ADGRL2: variants seen among roughly 807,000 people sequenced by gnomAD.
ADGRL2 encodes calcium-independent alpha-latrotoxin receptor 2.
A neutral mutation model predicts 157.4 loss-of-function variants in ADGRL2; 44 were observed. That is an observed-to-expected ratio of 0.28 (90% CI 0.22 to 0.36). ADGRL2 has a LOEUF of 0.36. Ranked by LOEUF, ADGRL2 falls within the 10% of genes least tolerant of loss-of-function variation. ADGRL2 has a pLI of 1.00. For missense variants in ADGRL2, 1,510 were observed against 1,768.9 expected, an observed-to-expected ratio of 0.85 and a Z score of 2.63; for synonymous variants, 585 against 624.7, an observed-to-expected ratio of 0.94 and a Z score of 0.95.
chr1:81,634,666 G>A (rs774050981), intron 3 of ADGRL2, among the ~76,000 whole-genome samples: 26 of 152,084 alleles, frequency 1.7e-4, no homozygotes, highest in Non-Finnish European at 3.4e-4. Context: ...TGGGATTATA[G>A]GCACACGCCA....
At chr1:81,813,975 G>C (rs749505827) in intron 1 of ADGRL2, among the ~76,000 whole-genome samples, 1 of 151,622 alleles carries the variant, frequency 6.6e-6, no homozygotes, top group Non-Finnish European at 1.5e-5. Flanking sequence ...TCTTAAATTT[G>C]AAGGTAGACT....
chr1:81,809,077 A>G (rs139086404), intron 1 of ADGRL2, among the ~76,000 whole-genome samples: 14 of 152,170 alleles, frequency 9.2e-5, no homozygotes, highest in Admixed American at 2.0e-4. Flanking sequence ...CGACCTGACA[A>G]GAAAACGTAT....
At chr1:81,649,815 A>G (rs1168857082) in intron 3 of ADGRL2, among the ~76,000 whole-genome samples, 1 of 152,176 alleles carries the variant, frequency 6.6e-6, no homozygotes, top group Non-Finnish European at 1.5e-5. Flanking sequence ...CAGCCACTGC[A>G]TCTGATGGAA....
chr1:81,736,894 C>T lies in ADGRL2; in HGVS notation c.-142-24917C>T, dbSNP rs537440404. On this transcript the variant is annotated intron_variant, in intron 1 of 20. Transcript: ENST00000359929. ...CTGTTGTCCAGGCTGGAGTGCAGTGCCACAGTCTCAGCTCACTGCAACCTC... is the reference window on the plus strand; with the variant it reads ...CTGTTGTCCAGGCTGGAGTGCAGTGTCACAGTCTCAGCTCACTGCAACCTC... Among the ~76,000 whole-genome samples the T allele has an allele frequency of 3.9e-5, 6 of 152,132 alleles. No homozygotes were observed. The South Asian group carries it at 1.2e-3, about 32-fold the overall frequency.
intron 1 of ADGRL2, among the ~76,000 whole-genome samples, chr1:81,803,376 G>C (rs2088603561): frequency 6.6e-6 from 1 of 152,072 alleles, no homozygotes; most frequent in African/African-American, 2.4e-5. Context: ...GTGGGGGTGA[G>C]GGGAGAATAC....
Position 81,993,087 on chromosome 1 carries a change from A to ATATATATATATATATATATTT in ADGRL2, c.*1943_*1944insATATATATATATATATATTTT, listed in dbSNP as rs1441283966. ...TATATATATATATATATATATATAT[A>ATATATATATATATATATATTT]TTTTTTTTTTTTTTTTTTTTTTTTT... is the stretch of plus-strand genomic sequence containing the variant. On this transcript the variant is annotated 3_prime_UTR_variant, in exon 24 of 24. Transcript: ENST00000686636. Among the ~76,000 whole-genome samples, 1 of 29,198 alleles carries ATATATATATATATATATATTT rather than the reference A, an allele frequency of 3.4e-5. No individual in the cohort carries two copies. The highest frequency in any genetic ancestry group is 5.5e-5 in the Non-Finnish European group (1 of 18,338). The allele number at this position is 29,198 out of a possible 152,430, so 19.2% of individuals were successfully genotyped here.
intron 1 of ADGRL2, among the ~76,000 whole-genome samples, chr1:81,438,075 C>T (rs981117346): frequency 4.7e-5 from 7 of 149,728 alleles, no homozygotes; most frequent in East Asian, 3.9e-4. Flanking sequence ...TCCTTCTCAC[C>T]GAATATGCCC....
chr1:81,439,042 C>T (rs2077460027), intron 1 of ADGRL2, among the ~76,000 whole-genome samples: 1 of 151,994 alleles, frequency 6.6e-6, no homozygotes, highest in African/African-American at 2.4e-5. Context: ...CTTTACCTGC[C>T]GTAAAACTCC....
At chr1:81,318,576 G>T (rs550831225) in intron 1 of ADGRL2, among the ~76,000 whole-genome samples, 26 of 152,218 alleles carry the variant, frequency 1.7e-4, no homozygotes, top group Admixed American at 1.4e-3. Context: ...TGAATAAATG[G>T]TGACTATTAC....
chr1:81,792,002 T>C (rs1316555022), intron 2 of ADGRL2, among the ~76,000 whole-genome samples: 2 of 152,350 alleles, frequency 1.3e-5, no homozygotes, highest in Admixed American at 6.5e-5. Flanking sequence ...ATAAATAGTT[T>C]TGTATATTCT....
At chr1:81,345,025 T>C (rs1034100580) in intron 1 of ADGRL2, among the ~76,000 whole-genome samples, 1 of 152,138 alleles carries the variant, frequency 6.6e-6, no homozygotes, top group Non-Finnish European at 1.5e-5. Context: ...TTGAAAGAAA[T>C]AGTTACATTG....
chr1:81,950,386 G>A lies in ADGRL2; in HGVS notation c.1408G>A (p.Glu470Lys). 1.9e-6 allele frequency: 3 copies of A among 1,614,034 alleles called. No homozygotes were observed. The highest frequency in any genetic ancestry group is 2.5e-6 in the Non-Finnish European group (3 of 1,179,950). Residue 470 changes from glutamate (E) to lysine (K), a missense_variant, in exon 7 of 24, where the codon GAG becomes AAG. Glu to Lys is a moderately conservative substitution (Grantham distance 56). Coordinates refer to ENST00000686636, the MANE Select transcript of ADGRL2 (RefSeq NM_001366006.2). ...TATAACAAATATTTTTCCCCTGCCA[G>A]AGAGATTCTGTGAAGCATTAGACTC... ...PPITNIFPLP[E>K]RFCEALDSKG...
chr1:81,535,022 G>A (rs2079699534), intron 2 of ADGRL2, among the ~76,000 whole-genome samples: 1 of 151,970 alleles, frequency 6.6e-6, no homozygotes, highest in African/African-American at 2.4e-5. Flanking sequence ...CCACAATCAG[G>A]GCCTGCTGGT....
At chr1:81,740,082 A>G (rs2085024588) in intron 1 of ADGRL2, among the ~76,000 whole-genome samples, 1 of 152,236 alleles carries the variant, frequency 6.6e-6, no homozygotes, top group Non-Finnish European at 1.5e-5. Context: ...TCAAAGGAAG[A>G]TGAGGGTTGG....
intron 3 of ADGRL2, among the ~76,000 whole-genome samples, chr1:81,920,942 A>G (rs2094963567): frequency 6.6e-6 from 1 of 151,798 alleles, no homozygotes; most frequent in Non-Finnish European, 1.5e-5. Flanking sequence ...TTGTCTTGTC[A>G]TCCTTTTTCT....
chr1:81,922,136 T>C (rs772115569), intron 3 of ADGRL2, among the ~76,000 whole-genome samples: 2 of 152,152 alleles, frequency 1.3e-5, no homozygotes, highest in Non-Finnish European at 2.9e-5. Context: ...ATCTCCCTTA[T>C]AGTGTAACAA....
intron 2 of ADGRL2, among the ~76,000 whole-genome samples, chr1:81,856,294 C>T (rs996146664): frequency 2.0e-5 from 3 of 152,092 alleles, no homozygotes; most frequent in African/African-American, 7.2e-5. Context: ...TTCACCCAGT[C>T]TTGTGCCACC....
At chr1:81,382,147 A>G (rs1253566055) in intron 1 of ADGRL2, among the ~76,000 whole-genome samples, 1 of 152,206 alleles carries the variant, frequency 6.6e-6, no homozygotes, top group African/African-American at 2.4e-5. Flanking sequence ...TACATTATAT[A>G]ATCATAATTA....
intron 1 of ADGRL2, among the ~76,000 whole-genome samples, chr1:81,810,936 A>G (rs995134265): frequency 1.3e-4 from 19 of 151,856 alleles, no homozygotes; most frequent in Non-Finnish European, 2.7e-4. Flanking sequence ...AAAGAAGACA[A>G]TGTTTGAATA....
Sources: allele counts gnomAD v4.1 joint callset (sites outside exome capture counted in the v4.1 genomes callset), GRCh38; gene constraint gnomAD v4.1.1; transcripts MANE v1.5; gene names NCBI Gene and HGNC (gene_info 2026-07-23, HGNC 2026-07-21).